The following CENPW variants were observed in gnomAD, a reference collection of about 807,000 sequenced individuals.
CENPW encodes centromere protein W, also known as cancer-up-regulated gene 2 protein.
In CENPW, 3 loss-of-function variants were observed where a neutral mutation model predicts 11.1. The ratio of observed to expected loss-of-function variants is 0.27; its 90% CI spans 0.12 to 0.70. The LOEUF (loss-of-function observed/expected upper bound fraction) is 0.70. CENPW is among the 30% of genes least tolerant of loss of function. The pLI is 0.77. For synonymous variants in CENPW, 38 were observed against 42.0 expected, an observed-to-expected ratio of 0.91 and a Z score of 0.37; for missense variants, 100 against 105.6, an observed-to-expected ratio of 0.95 and a Z score of 0.23.
chr6:126,415,284 T>C, the CENPW span, among the ~76,000 whole-genome samples: 2 of 152,198 alleles, frequency 1.3e-5, no homozygotes, highest in Non-Finnish European at 2.9e-5. Context: ...TATTTATTGT[T>C]TTTATTCACT....
the CENPW span, among the ~76,000 whole-genome samples, chr6:126,436,002 T>C: frequency 6.6e-6 from 1 of 151,850 alleles, no homozygotes; most frequent in African/African-American, 2.4e-5. Context: ...TTGCATACAG[T>C]CAATTGAGAT....
chr6:126,470,410 A>T, the CENPW span, among the ~76,000 whole-genome samples: 1 of 152,326 alleles, frequency 6.6e-6, no homozygotes, highest in East Asian at 1.9e-4. Flanking sequence ...CTCTGCCTAG[A>T]TTTCACAGGA....
At chr6:126,377,923 T>C in the CENPW span, among the ~76,000 whole-genome samples, 1 of 152,146 alleles carries the variant, frequency 6.6e-6, no homozygotes, top group African/African-American at 2.4e-5. Flanking sequence ...CATAACCCCA[T>C]AATACTCAGA....
the CENPW span, among the ~76,000 whole-genome samples, chr6:126,464,346 G>T: frequency 6.6e-6 from 1 of 152,184 alleles, no homozygotes; most frequent in Non-Finnish European, 1.5e-5. Context: ...GTACTGTGAT[G>T]GTTAATATTG....
the CENPW span, among the ~76,000 whole-genome samples, chr6:126,428,900 C>G: frequency 1.3e-5 from 2 of 152,000 alleles, no homozygotes; most frequent in Non-Finnish European, 2.9e-5. Flanking sequence ...CTAGAGATAA[C>G]TTTTGCTACT....
chr6:126,401,558 G>A, the CENPW span, among the ~76,000 whole-genome samples: 1 of 151,904 alleles, frequency 6.6e-6, no homozygotes, highest in African/African-American at 2.4e-5. Context: ...ATTTCCCACA[G>A]GAGCAGAGGA....
chr6:126,410,867 T>A, the CENPW span, among the ~76,000 whole-genome samples: 1 of 152,218 alleles, frequency 6.6e-6, no homozygotes, highest in African/African-American at 2.4e-5. Context: ...GATTTCTTAC[T>A]CATATTCTGT....
the CENPW span, among the ~76,000 whole-genome samples, chr6:126,427,149 C>T: frequency 6.6e-6 from 1 of 152,102 alleles, no homozygotes; most frequent in Non-Finnish European, 1.5e-5. Flanking sequence ...ACTGGGCTCA[C>T]CTTCCAAGTG....
At chr6:126,393,214 C>T in the CENPW span, among the ~76,000 whole-genome samples, 2 of 151,274 alleles carry the variant, frequency 1.3e-5, no homozygotes, top group Admixed American at 6.6e-5. Flanking sequence ...TTGTCAATTT[C>T]GTTTATGTTT....
chr6:126,423,081 C>CT, the CENPW span, among the ~76,000 whole-genome samples: 4 of 151,872 alleles, frequency 2.6e-5, no homozygotes, highest in Non-Finnish European at 5.9e-5. Context: ...TTGCATAAAT[C>CT]TTTCTTTTGC....
chr6:126,366,607 ACTCAAT>A, the CENPW span, among the ~76,000 whole-genome samples: 2 of 152,178 alleles, frequency 1.3e-5, no homozygotes, highest in Non-Finnish European at 2.9e-5. Context: ...TATATCATAT[ACTCAAT>A]CTCGTTAGGC....
the CENPW span, among the ~76,000 whole-genome samples, chr6:126,376,115 T>C: frequency 2.6e-5 from 4 of 152,292 alleles, no homozygotes; most frequent in Non-Finnish European, 5.9e-5. Flanking sequence ...CTGTGCCTTA[T>C]TCATTCATTC....
At chr6:126,446,360 C>A in the CENPW span, among the ~76,000 whole-genome samples, 6 of 147,176 alleles carry the variant, frequency 4.1e-5, no homozygotes, top group Admixed American at 1.4e-4. Flanking sequence ...CTCCCTGGCC[C>A]CCCCACAAGA....
chr6:126,386,407 A>G, the CENPW span, among the ~76,000 whole-genome samples: 1 of 152,086 alleles, frequency 6.6e-6, no homozygotes, highest in African/African-American at 2.4e-5. Flanking sequence ...TGACTGATCT[A>G]TAACTCATAT....
the CENPW span, among the ~76,000 whole-genome samples, chr6:126,442,026 A>C: frequency 5.9e-5 from 9 of 151,626 alleles, no homozygotes; most frequent in East Asian, 1.2e-3. Context: ...AGGAATCTCC[A>C]CACTGTTTTC....
the CENPW span, among the ~76,000 whole-genome samples, chr6:126,419,453 G>A: frequency 2.0e-5 from 3 of 152,054 alleles, no homozygotes; most frequent in African/African-American, 7.2e-5. Context: ...TATAAACAGT[G>A]AGTATAAAAA....
At chr6:126,381,736 C>T in the CENPW span, among the ~76,000 whole-genome samples, 215 of 152,262 alleles carry the variant, frequency 1.4e-3, 1 homozygote, top group Non-Finnish European at 2.3e-3. Flanking sequence ...TTGGCTGGCA[C>T]CGCCCATCAT....
At chr6:126,421,582 CTTT>C in the CENPW span, among the ~76,000 whole-genome samples, 15 of 143,504 alleles carry the variant, frequency 1.0e-4, no homozygotes, top group African/African-American at 7.7e-5. Context: ...CTAACACTTT[CTTT>C]TTTTTTTTTT....
downstream of CENPW, among the ~76,000 whole-genome samples, chr6:126,349,275 A>G (rs114653509): frequency 1.9e-3 from 285 of 152,296 alleles, 2 homozygotes; most frequent in African/African-American, 6.2e-3. Context: ...TACATCTTAC[A>G]TAACTATAGT....
Sources: allele counts gnomAD v4.1 joint callset (sites outside exome capture counted in the v4.1 genomes callset), GRCh38; gene constraint gnomAD v4.1.1; transcripts MANE v1.5; gene names NCBI Gene and HGNC (gene_info 2026-07-23, HGNC 2026-07-21).